CDH18: variants seen among roughly 807,000 people sequenced by gnomAD.
CDH18 encodes the protein cadherin 18, also known as cadherin-18.
Under a neutral mutation model 67.9 loss-of-function variants are expected in CDH18, and 31 were observed. The ratio of observed to expected loss-of-function variants is 0.46; its 90% CI spans 0.34 to 0.62. The LOEUF is 0.62. Among genes scored for constraint, CDH18 ranks in the 20% least tolerant of loss-of-function variants. The probability of loss-of-function intolerance (pLI) is 0.01; values close to 1 mark genes in which losing one functional copy is unlikely to be tolerated. For synonymous variants in CDH18, 362 were observed against 347.2 expected (o/e 1.04, Z -0.48); for missense variants, 890 against 975.5 (o/e 0.91, Z 1.17).
At chr5:20,568,653 A>G (rs917143652) in intron 1 of CDH18, among the ~76,000 whole-genome samples, 1 of 152,192 alleles carries the variant, frequency 6.6e-6, no homozygotes, top group Non-Finnish European at 1.5e-5. Context: ...ACATATCCAT[A>G]TACAGAGACA....
intron 1 of CDH18, among the ~76,000 whole-genome samples, chr5:20,540,597 G>T (rs987929170): frequency 2.6e-5 from 4 of 152,162 alleles, no homozygotes; most frequent in African/African-American, 9.7e-5. Context: ...AGAATGGGTA[G>T]AAACACCTGA....
At chr5:19,728,865 A>G (rs1767210087) in intron 4 of CDH18, among the ~76,000 whole-genome samples, 1 of 152,204 alleles carries the variant, frequency 6.6e-6, no homozygotes, top group South Asian at 2.1e-4. Context: ...GGAAACATGA[A>G]AAAGAAATAG....
At chr5:19,688,922 T>C (rs1761482621) in intron 5 of CDH18, among the ~76,000 whole-genome samples, 1 of 152,048 alleles carries the variant, frequency 6.6e-6, no homozygotes, top group African/African-American at 2.4e-5. Flanking sequence ...GCTTCAACAA[T>C]AGACTAGATT....
At chr5:19,939,185 CTT>C (rs1794584350) in intron 2 of CDH18, among the ~76,000 whole-genome samples, 1 of 151,330 alleles carries the variant, frequency 6.6e-6, no homozygotes, top group Admixed American at 6.6e-5. Context: ...GATCAAAACA[CTT>C]TGTCAGTAAA....
chr5:19,501,089 C>T (rs1052011439), intron 11 of CDH18, among the ~76,000 whole-genome samples: 3 of 151,242 alleles, frequency 2.0e-5, no homozygotes, highest in South Asian at 2.1e-4. Context: ...GCAGAGATCA[C>T]GCCATTACAA....
At chr5:19,582,947 G>A (rs183939044) in intron 7 of CDH18, among the ~76,000 whole-genome samples, 238 of 151,402 alleles carry the variant, frequency 1.6e-3, no homozygotes, top group Middle Eastern at 3.4e-3. Flanking sequence ...TGGTTGTAGC[G>A]GAACATATTT....
At chr5:20,417,964 C>T (rs1747463391) in intron 1 of CDH18, among the ~76,000 whole-genome samples, 1 of 152,208 alleles carries the variant, frequency 6.6e-6, no homozygotes, top group African/African-American at 2.4e-5. Context: ...ATAGTTTACA[C>T]AATCCTATGA....
At chr5:19,683,303 C>G (rs1760598934) in intron 5 of CDH18, among the ~76,000 whole-genome samples, 1 of 151,938 alleles carries the variant, frequency 6.6e-6, no homozygotes, top group Non-Finnish European at 1.5e-5. Context: ...ATAGTTTTTG[C>G]CATATTCTAT....
At chr5:20,420,350 C>A (rs1469859644) in intron 1 of CDH18, among the ~76,000 whole-genome samples, 2 of 151,114 alleles carry the variant, frequency 1.3e-5, no homozygotes, top group Non-Finnish European at 2.9e-5. Context: ...AGGACTTATT[C>A]TTTATAGAAT....
intron 1 of CDH18, among the ~76,000 whole-genome samples, chr5:20,446,398 A>C (rs1309524258): frequency 6.6e-6 from 1 of 152,000 alleles, no homozygotes; most frequent in Non-Finnish European, 1.5e-5. Context: ...TAACTACCTA[A>C]CAAACCCACT....
intron 1 of CDH18, among the ~76,000 whole-genome samples, chr5:20,430,131 T>A (rs1238968659): frequency 6.6e-6 from 1 of 152,186 alleles, no homozygotes; most frequent in Admixed American, 6.5e-5. Flanking sequence ...TTGTACAGAA[T>A]ACATTCACTA....
intron 2 of CDH18, among the ~76,000 whole-genome samples, chr5:19,973,769 T>C (rs1299419287): frequency 6.6e-6 from 1 of 152,112 alleles, no homozygotes; most frequent in Non-Finnish European, 1.5e-5. Flanking sequence ...AGTATAAAAC[T>C]GTCACTTAAT....
At chr5:19,747,294 T>C in intron 3 of CDH18, 58 bp from the exon 4 acceptor site, 1 of 1,419,878 alleles carries the variant, frequency 7.0e-7, no homozygotes, top group Non-Finnish European at 9.7e-7. Flanking sequence ...TCACATTATG[T>C]TCTCTGAAAA....
chr5:19,944,590 T>C (rs1001478972), intron 2 of CDH18, among the ~76,000 whole-genome samples: 1 of 152,180 alleles, frequency 6.6e-6, no homozygotes, highest in Non-Finnish European at 1.5e-5. Context: ...TTCTGTCCTC[T>C]GCCTATTGCA....
chr5:20,068,057 C>A (rs561022916), intron 2 of CDH18, among the ~76,000 whole-genome samples: 58 of 151,864 alleles, frequency 3.8e-4, no homozygotes, highest in Non-Finnish European at 7.2e-4. Context: ...ACCCCTGTCC[C>A]AATACACACT....
chr5:20,388,832 G>A (rs1237081796), intron 1 of CDH18, among the ~76,000 whole-genome samples: 2 of 152,174 alleles, frequency 1.3e-5, no homozygotes, highest in Non-Finnish European at 2.9e-5. Flanking sequence ...GGAGCAGGTT[G>A]TTCAGTTTCC....
At chr5:19,593,164 T>G (rs1745459232) in intron 6 of CDH18, among the ~76,000 whole-genome samples, 1 of 152,170 alleles carries the variant, frequency 6.6e-6, no homozygotes, top group Non-Finnish European at 1.5e-5. Flanking sequence ...CTGATTTCGA[T>G]TTTTTAAATA....
At chr5:20,131,813 T>G (rs1749291855) in intron 2 of CDH18, among the ~76,000 whole-genome samples, 1 of 152,198 alleles carries the variant, frequency 6.6e-6, no homozygotes, top group Non-Finnish European at 1.5e-5. Flanking sequence ...AACTTGGGTC[T>G]ATTACTTTAC....
chr5:20,100,442 A>G (rs553925110), intron 2 of CDH18, among the ~76,000 whole-genome samples: 1 of 152,294 alleles, frequency 6.6e-6, no homozygotes, highest in South Asian at 2.1e-4. Context: ...AACTGCAGTT[A>G]TATTTGCACC....
Sources: gnomAD v4.1 joint callset for allele counts (sites outside exome capture counted in the v4.1 genomes callset) on GRCh38, gnomAD v4.1.1 for gene constraint, MANE v1.5 for transcripts, NCBI Gene and HGNC (gene_info 2026-07-23, HGNC 2026-07-21) for gene names.